The following RANBP2 variants were observed in gnomAD, a reference collection of about 807,000 sequenced individuals.
RANBP2 encodes RAN binding protein 2, also known as E3 SUMO-protein ligase RanBP2.
Under a neutral mutation model 303.6 loss-of-function variants are expected in RANBP2, and 57 were observed. The observed-to-expected ratio is 0.19, with a 90% CI of 0.15 to 0.23. RANBP2 has a LOEUF of 0.23. Among genes scored for constraint, RANBP2 ranks in the 10% least tolerant of loss-of-function variants. The pLI, the probability that RANBP2 is intolerant of heterozygous loss-of-function variation, is 1.00. For synonymous variants in RANBP2, 1,167 were observed against 1,301.5 expected (o/e 0.90, Z 2.23); for missense variants, 3,138 against 3,780.8 (o/e 0.83, Z 4.46).
At chr2:108,809,130 G>A in the RANBP2 span, among the ~76,000 whole-genome samples, 2 of 152,060 alleles carry the variant, frequency 1.3e-5, no homozygotes, top group East Asian at 1.9e-4. Context: ...GGCTGTAAAT[G>A]TGTGGATTTA....
chr2:108,867,212 T>C, the RANBP2 span, among the ~76,000 whole-genome samples: 1 of 152,052 alleles, frequency 6.6e-6, no homozygotes, highest in Non-Finnish European at 1.5e-5. Context: ...AGGGCAGTGA[T>C]AAGAGGAATA....
At chr2:109,133,028 G>A in the RANBP2 span, among the ~76,000 whole-genome samples, 1 of 152,146 alleles carries the variant, frequency 6.6e-6, no homozygotes, top group Non-Finnish European at 1.5e-5. Context: ...TGTAGACTCG[G>A]CTAGGCACTA....
At chr2:109,097,072 G>A in the RANBP2 span, among the ~76,000 whole-genome samples, 4 of 152,108 alleles carry the variant, frequency 2.6e-5, no homozygotes, top group South Asian at 2.1e-4. Context: ...TTCAGAGGCC[G>A]AGGTGGGCGG....
the RANBP2 span, among the ~76,000 whole-genome samples, chr2:108,822,739 C>T: frequency 6.6e-6 from 1 of 152,072 alleles, no homozygotes; most frequent in South Asian, 2.1e-4. Context: ...TTGGCAAATA[C>T]CTTGAAACAA....
the RANBP2 span, among the ~76,000 whole-genome samples, chr2:109,344,033 C>T: frequency 2.2e-4 from 34 of 152,316 alleles, no homozygotes; most frequent in African/African-American, 7.2e-4. Context: ...CGTGAGCCAC[C>T]ATACCCGTCC....
At chr2:109,695,735 TA>T in the RANBP2 span, among the ~76,000 whole-genome samples, 1 of 152,142 alleles carries the variant, frequency 6.6e-6, no homozygotes, top group East Asian at 1.9e-4. Context: ...GACAGAGGTA[TA>T]GGGGGAAAGA....
chr2:109,585,895 T>C, the RANBP2 span: 270 of 1,276,590 alleles, frequency 2.1e-4, no homozygotes, highest in African/African-American at 3.6e-3. Flanking sequence ...TTGACTTAAA[T>C]AGGATGTAGG....
At chr2:109,063,302 T>A in the RANBP2 span, among the ~76,000 whole-genome samples, 1 of 152,194 alleles carries the variant, frequency 6.6e-6, no homozygotes, top group Non-Finnish European at 1.5e-5. Flanking sequence ...GTGGAACCTT[T>A]GAGCATTTCC....
At chr2:109,693,793 C>T in the RANBP2 span, among the ~76,000 whole-genome samples, 2 of 152,146 alleles carry the variant, frequency 1.3e-5, no homozygotes, top group African/African-American at 2.4e-5. Context: ...TCATGTCTCC[C>T]TAAAATTTAT....
chr2:109,651,894 T>C, the RANBP2 span, among the ~76,000 whole-genome samples: 2 of 152,130 alleles, frequency 1.3e-5, no homozygotes, highest in African/African-American at 4.8e-5. Context: ...TCATGGTCTG[T>C]GTACAAAATG....
At chr2:108,960,643 T>C in the RANBP2 span, among the ~76,000 whole-genome samples, 1 of 152,154 alleles carries the variant, frequency 6.6e-6, no homozygotes, top group African/African-American at 2.4e-5. Context: ...CACTACTAAT[T>C]GTAAAGAAGT....
At chr2:108,722,022 A>C (rs377554953) in intron 1 of RANBP2, among the ~76,000 whole-genome samples, 8,939 of 146,026 alleles carry the variant, frequency 0.061, 311 homozygotes, top group South Asian at 0.15. Context: ...GGTGTGAGCC[A>C]CTCTGCTCAG....
At chr2:109,089,362 G>C in the RANBP2 span, among the ~76,000 whole-genome samples, 1 of 152,064 alleles carries the variant, frequency 6.6e-6, no homozygotes, top group Non-Finnish European at 1.5e-5. Flanking sequence ...CAGCACTTTG[G>C]GAGGCCGAAG....
chr2:109,362,188 C>T, the RANBP2 span, among the ~76,000 whole-genome samples: 5 of 152,034 alleles, frequency 3.3e-5, no homozygotes, highest in Admixed American at 1.3e-4. Context: ...CTTTTCTAAT[C>T]GATGCATTCA....
At chr2:108,773,967 C>T (rs1677696018) in intron 23 of RANBP2, among the ~76,000 whole-genome samples, 1 of 152,106 alleles carries the variant, frequency 6.6e-6, no homozygotes, top group Non-Finnish European at 1.5e-5. Context: ...TATGGATGTA[C>T]ACAAGTGAAT....
the RANBP2 span, among the ~76,000 whole-genome samples, chr2:108,881,814 G>A: frequency 6.6e-6 from 1 of 152,090 alleles, no homozygotes; most frequent in Non-Finnish European, 1.5e-5. Context: ...ACATGGGTGT[G>A]GTTCTTGGCA....
At chr2:109,150,127 G>A in the RANBP2 span, among the ~76,000 whole-genome samples, 1 of 152,166 alleles carries the variant, frequency 6.6e-6, no homozygotes, top group Admixed American at 6.5e-5. Flanking sequence ...GCCAACAAAA[G>A]GTGGTGTAGA....
At chr2:109,396,862 G>A in the RANBP2 span, among the ~76,000 whole-genome samples, 3 of 152,364 alleles carry the variant, frequency 2.0e-5, no homozygotes, top group African/African-American at 7.2e-5. Context: ...CGGCTCACAT[G>A]GTCCTTCACT....
the RANBP2 span, among the ~76,000 whole-genome samples, chr2:109,149,293 T>G: frequency 6.6e-6 from 1 of 152,232 alleles, no homozygotes; most frequent in Non-Finnish European, 1.5e-5. Flanking sequence ...GGGAGATCCA[T>G]TGGCTTAGAG....
Sources: gnomAD v4.1 joint callset for allele counts (sites outside exome capture counted in the v4.1 genomes callset) on GRCh38, gnomAD v4.1.1 for gene constraint, MANE v1.5 for transcripts, NCBI Gene and HGNC (gene_info 2026-07-23, HGNC 2026-07-21) for gene names.